SHISA9: variants seen among roughly 807,000 people sequenced by gnomAD.
SHISA9 encodes protein shisa-9.
A neutral mutation model predicts 38.0 loss-of-function variants in SHISA9; 13 were observed. The ratio of observed to expected loss-of-function variants is 0.34; its 90% confidence interval spans 0.22 to 0.54. The LOEUF (loss-of-function observed/expected upper bound fraction) is 0.54, where lower values mean the gene tolerates loss of function less well. SHISA9 is among the 20% of genes least tolerant of loss of function. The pLI is 0.91. For synonymous variants in SHISA9, 275 were observed against 242.0 expected, an observed-to-expected ratio of 1.14 and a Z score of -1.27; for missense variants, 538 against 575.8, an observed-to-expected ratio of 0.93 and a Z score of 0.67.
At chr16:13,524,435 C>T in the SHISA9 span, among the ~76,000 whole-genome samples, 1 of 152,314 alleles carries the variant, frequency 6.6e-6, no homozygotes, top group South Asian at 2.1e-4. Context: ...AAGTAAGCAG[C>T]GATTTCAAGA....
At chr16:13,009,268 TGGGTTCA>T (rs1435817674) in intron 2 of SHISA9, among the ~76,000 whole-genome samples, 1 of 152,118 alleles carries the variant, frequency 6.6e-6, no homozygotes. Flanking sequence ...GGCTTTAAGC[TGGGTTCA>T]GAACCACTGT....
intron 2 of SHISA9, among the ~76,000 whole-genome samples, chr16:13,095,519 C>G (rs916847071): frequency 1.3e-5 from 2 of 152,202 alleles, no homozygotes; most frequent in East Asian, 3.8e-4. Flanking sequence ...CTTCCAGTAT[C>G]CTCCTCAGAA....
Position 13,235,075 on chromosome 16 carries a change from C to G in SHISA9, c.941C>G (p.Ala314Gly), listed in dbSNP as rs770339542. The change falls in exon 5 of 5, where the codon GCT (alanine) becomes GGT (glycine). Residue 314 changes from alanine to glycine, a missense_variant. Transcript: ENST00000558583. ...DDFYTKRRHL[A>G]ELAAKGNLPL... ...TTCTACACCAAGCGACGGCACCTGG[C>G]TGAGCTGGCTGCCAAGGGGAACTTA... The G allele has an allele frequency of 1.3e-6, 2 of 1,551,370 alleles. No homozygotes were observed. The highest frequency in any genetic ancestry group is 8.7e-7 in the Non-Finnish European group (1 of 1,146,944).
At chr16:13,028,985 T>A (rs1170226631) in intron 2 of SHISA9, among the ~76,000 whole-genome samples, 1 of 152,282 alleles carries the variant, frequency 6.6e-6, no homozygotes, top group East Asian at 1.9e-4. Context: ...TGGATGCAAA[T>A]GCAATTGAGG....
At chr16:13,179,264 A>T (rs965849647) in intron 2 of SHISA9, among the ~76,000 whole-genome samples, 3 of 152,180 alleles carry the variant, frequency 2.0e-5, no homozygotes, top group Admixed American at 2.0e-4. Context: ...GTGAGCTGAG[A>T]TCACACCACT....
chr16:13,336,033 C>T, the SHISA9 span, among the ~76,000 whole-genome samples: 2 of 152,188 alleles, frequency 1.3e-5, no homozygotes, highest in Non-Finnish European at 2.9e-5. Flanking sequence ...GGGTAGTTCT[C>T]ACTAATTATA....
intron 1 of SHISA9, chr16:12,910,812 G>A (rs1463469764): frequency 1.1e-5 from 9 of 831,708 alleles, no homozygotes; most frequent in Non-Finnish European, 1.3e-5. Context: ...AATCTCCAGA[G>A]CCTCTGTACT....
At chr16:13,221,946 G>C (rs749687621) in intron 4 of SHISA9, among the ~76,000 whole-genome samples, 7 of 152,178 alleles carry the variant, frequency 4.6e-5, no homozygotes, top group Non-Finnish European at 5.9e-5. Context: ...ACATACCCGA[G>C]ACTGGGTAGT....
At chr16:13,025,573 C>T (rs2072910344) in intron 2 of SHISA9, among the ~76,000 whole-genome samples, 1 of 152,094 alleles carries the variant, frequency 6.6e-6, no homozygotes, top group Non-Finnish European at 1.5e-5. Flanking sequence ...TTAAAATCTC[C>T]AGAGGATCCT....
intron 2 of SHISA9, among the ~76,000 whole-genome samples, chr16:12,931,092 C>G (rs1378480046): frequency 3.3e-5 from 5 of 152,144 alleles, no homozygotes; most frequent in Non-Finnish European, 5.9e-5. Context: ...TCTGGATGTT[C>G]CGTCACGAAT....
At chr16:13,019,215 G>T (rs1381679257) in intron 2 of SHISA9, among the ~76,000 whole-genome samples, 1 of 152,136 alleles carries the variant, frequency 6.6e-6, no homozygotes, top group Non-Finnish European at 1.5e-5. Context: ...GGCCAGGCTG[G>T]TCTTGAACTC....
intron 2 of SHISA9, among the ~76,000 whole-genome samples, chr16:12,926,267 A>G (rs2071392487): frequency 6.6e-6 from 1 of 152,080 alleles, no homozygotes. Context: ...ATACCAGATT[A>G]TGCCTCTTTT....
the SHISA9 span, among the ~76,000 whole-genome samples, chr16:13,469,210 C>G: frequency 6.7e-6 from 1 of 149,680 alleles, no homozygotes; most frequent in Admixed American, 6.7e-5. Context: ...CCACTGCACT[C>G]CAACCTGGGC....
At chr16:13,011,252 G>A (rs758124183) in intron 2 of SHISA9, among the ~76,000 whole-genome samples, 39 of 150,850 alleles carry the variant, frequency 2.6e-4, no homozygotes, top group Non-Finnish European at 4.7e-4. Flanking sequence ...TATGAGATGC[G>A]TGTAGATAGT....
At chr16:13,541,603 A>G in the SHISA9 span, among the ~76,000 whole-genome samples, 1 of 152,224 alleles carries the variant, frequency 6.6e-6, no homozygotes, top group Non-Finnish European at 1.5e-5. Flanking sequence ...AAAAGAGCAC[A>G]CAGTTAAAAC....
At position 13,039,997 on chromosome 16, in the gene SHISA9, C is replaced by T. The variant is rs142313332; in HGVS notation, c.691+123182C>T. Among the ~76,000 whole-genome samples the T allele has an allele frequency of 4.7e-3, 721 of 152,312 alleles. 5 individuals carry two copies. The highest frequency in any genetic ancestry group is 0.017 in the Middle Eastern group (5 of 294). On this transcript the variant is annotated intron_variant, in intron 2 of 4. Coordinates refer to ENST00000558583, the MANE Select transcript of SHISA9 (RefSeq NM_001145204.3). ...CCACCCACTTAATATATCCACATTT[C>T]TTACACTTTCTGGCACCATCTTGGT...
intron 2 of SHISA9, among the ~76,000 whole-genome samples, chr16:13,006,675 A>G (rs79183520): frequency 0.014 from 2,160 of 152,340 alleles, 11 homozygotes; most frequent in South Asian, 0.027. Flanking sequence ...TGTATTAGAC[A>G]TTGTGACAAC....
intron 2 of SHISA9, among the ~76,000 whole-genome samples, chr16:12,995,065 AAATT>A (rs1187560097): frequency 6.6e-6 from 1 of 152,088 alleles, no homozygotes. Flanking sequence ...TAAAATAAAA[AAATT>A]AATTAATTTT....
chr16:13,534,658 ACT>A, the SHISA9 span, among the ~76,000 whole-genome samples: 1 of 152,218 alleles, frequency 6.6e-6, no homozygotes, highest in African/African-American at 2.4e-5. Flanking sequence ...GTGTGAAAAC[ACT>A]GTGTCCCTGA....
Sources: allele counts gnomAD v4.1 joint callset (sites outside exome capture counted in the v4.1 genomes callset), GRCh38; gene constraint gnomAD v4.1.1; transcripts MANE v1.5; gene names NCBI Gene and HGNC (gene_info 2026-07-23, HGNC 2026-07-21).